Variants in LAMP1 observed in about 807,000 individuals in gnomAD.
LAMP1 encodes lysosome-associated membrane glycoprotein 1.
In LAMP1, 7 loss-of-function variants were observed where a neutral mutation model predicts 37.5. The observed-to-expected ratio is 0.19, with a 90% confidence interval of 0.11 to 0.35. The LOEUF (loss-of-function observed/expected upper bound fraction) is 0.35. Among genes scored for constraint, LAMP1 ranks in the 10% least tolerant of loss-of-function variants. The pLI, the probability that LAMP1 is intolerant of heterozygous loss-of-function variation, is 1.00. For missense variants in LAMP1, 537 were observed against 552.8 expected, an observed-to-expected ratio of 0.97 and a Z score of 0.29; for synonymous variants, 236 against 229.1, an observed-to-expected ratio of 1.03 and a Z score of -0.27.
At chr13:113,312,673 C>T (rs772294810) in intron 4 of LAMP1, among the ~76,000 whole-genome samples, 3 of 152,220 alleles carry the variant, frequency 2.0e-5, no homozygotes, top group Non-Finnish European at 2.9e-5. Context: ...TGGTGACAGC[C>T]GCTTTCCTGG....
intron 1 of LAMP1, among the ~76,000 whole-genome samples, chr13:113,303,139 G>A (rs57722743): frequency 0.074 from 11,314 of 152,190 alleles, 1,331 homozygotes; most frequent in African/African-American, 0.25. Context: ...CAGCCCTGAG[G>A]CCTTGGCACT....
At chr13:113,317,627 G>A (rs1257244234) in intron 4 of LAMP1, among the ~76,000 whole-genome samples, 2 of 151,702 alleles carry the variant, frequency 1.3e-5, no homozygotes, top group East Asian at 1.9e-4. Context: ...AGACTGGCCG[G>A]TTTTGCACAT....
At chr13:113,306,248 T>G in intron 1 of LAMP1, 1 of 311,576 alleles carries the variant, frequency 3.2e-6, no homozygotes, top group Non-Finnish European at 6.0e-6. Context: ...TTCCAGCTAC[T>G]TGGGAGGCTG....
chr13:113,298,892 C>T lies in LAMP1; in HGVS notation c.61+1397C>T, dbSNP rs59001251. 6.0e-3 allele frequency among the ~76,000 whole-genome samples: 916 copies of T among 152,352 alleles called. 10 individuals are homozygous for T. Among genetic ancestry groups the T allele is most frequent in the African/African-American group, 0.021 (884 of 41,586 alleles). ...GAGCAGTGGCTCACGCCTTTAATCC[C>T]AACACTTTGGGTGGCCGAGGCAGAT... On this transcript the variant is annotated intron_variant, in intron 1 of 8. Transcript: ENST00000332556.
rs991236578 is a variant in LAMP1 at position 113,320,043 on chromosome 13, G to A, written c.751-302G>A. On this transcript the variant is annotated intron_variant, in intron 5 of 8. Transcript: ENST00000332556. The surrounding 1 kb of genome is among the most constrained non-coding windows in gnomAD (Gnocchi z 4.4). ...TCTCCCCTAGTAGTGACAGGCTGTGGGGTTGTGGGGGTCGACTTGCGTGCC... is the reference window on the plus strand; with the variant it reads ...TCTCCCCTAGTAGTGACAGGCTGTGAGGTTGTGGGGGTCGACTTGCGTGCC... Among the ~76,000 whole-genome samples, 5 of 152,228 alleles carry A rather than the reference G, an allele frequency of 3.3e-5. No homozygotes were observed. The highest frequency in any genetic ancestry group is 7.3e-5 in the Non-Finnish European group (5 of 68,040).
intron 1 of LAMP1, among the ~76,000 whole-genome samples, chr13:113,300,313 T>C (rs1176101690): frequency 4.6e-5 from 7 of 152,026 alleles, no homozygotes; most frequent in African/African-American, 1.7e-4. Flanking sequence ...AAACCCCGTC[T>C]CTACTAAGAA....
intron 1 of LAMP1, among the ~76,000 whole-genome samples, chr13:113,304,379 C>T (rs893139050): frequency 2.6e-5 from 4 of 152,164 alleles, no homozygotes; most frequent in African/African-American, 7.2e-5. Context: ...TCTGCCTGTC[C>T]GCTGCTTCTG....
At chr13:113,310,153 C>G (rs2042622271) in intron 3 of LAMP1, among the ~76,000 whole-genome samples, 1 of 151,956 alleles carries the variant, frequency 6.6e-6, no homozygotes, top group Non-Finnish European at 1.5e-5. Flanking sequence ...CGCTTGAACC[C>G]AGGAGGCAGA....
chr13:113,300,991 T>C (rs1254659698), intron 1 of LAMP1, among the ~76,000 whole-genome samples: 1 of 152,140 alleles, frequency 6.6e-6, no homozygotes. Flanking sequence ...ACGTTACCCT[T>C]TCTTCTCTGT....
chr13:113,307,980 A>AAT (rs2042609077), intron 2 of LAMP1, among the ~76,000 whole-genome samples: 1 of 150,998 alleles, frequency 6.6e-6, no homozygotes, highest in Non-Finnish European at 1.5e-5. Context: ...AAAAAAAAAA[A>AAT]ATCCAGTCTC....
intron 4 of LAMP1, 139 bp from the exon 5 acceptor site, chr13:113,319,330 C>T: frequency 1.3e-6 from 1 of 762,722 alleles, no homozygotes; most frequent in Non-Finnish European, 2.1e-6. Context: ...TAGCGAGAGC[C>T]ACCTTGGGAG....
chr13:113,300,833 T>A (rs1005175199), intron 1 of LAMP1, among the ~76,000 whole-genome samples: 9 of 151,838 alleles, frequency 5.9e-5, no homozygotes, highest in African/African-American at 1.9e-4. Context: ...AAGAAAAAAA[T>A]TTTTTTTCTA....
At chr13:113,306,744 C>G (rs1181326484) in intron 2 of LAMP1, 138 bp downstream of exon 2, 1 of 909,658 alleles carries the variant, frequency 1.1e-6, no homozygotes, top group African/African-American at 1.7e-5. Flanking sequence ...CTGGTGTTGT[C>G]AGTAACCTGC....
rs745443481 is a variant in LAMP1 at position 113,319,574 on chromosome 13, A to G, written c.668A>G (p.Asn223Ser). ...VPKSPSVDKY[N>S]VSGTNGTCLL... is the part of the protein sequence containing the mutation. The stretch of plus-strand genomic sequence containing the variant: ...AAGAGCCCCTCTGTGGACAAGTACA[A>G]CGTGAGCGGCACCAACGGGACCTGC... Residue 223 changes from asparagine to serine, a missense_variant, in exon 5 of 9, where the codon AAC becomes AGC. Coordinates refer to ENST00000332556, the MANE Select transcript of LAMP1 (RefSeq NM_005561.4). The G allele has an allele frequency of 2.9e-5, 46 of 1,613,876 alleles. No homozygotes were observed. Among genetic ancestry groups the G allele is most frequent in the Non-Finnish European group, 3.3e-5 (39 of 1,180,028 alleles).
At chr13:113,301,894 G>A (rs1279085868) in intron 1 of LAMP1, among the ~76,000 whole-genome samples, 6 of 118,682 alleles carry the variant, frequency 5.1e-5, no homozygotes, top group Non-Finnish European at 9.5e-5. Context: ...ACGGAGTCTC[G>A]CTCTGTCGCC....
At position 113,297,547 on chromosome 13, in the gene LAMP1, G is replaced by A. The variant is rs2042549267; in HGVS notation, c.61+52G>A. ...AGCGGCGGGACCGGGCGGAGCCGAG[G>A]TCCCTGGGTCTTGAGGGCGGGGGAC... On this transcript the variant is annotated intron_variant, in intron 1 of 8. Transcript: ENST00000332556. The surrounding 1 kb of genome is among the most constrained non-coding windows in gnomAD (Gnocchi z 4.4). 5.8e-6 allele frequency: 7 copies of A among 1,216,446 alleles called. No homozygotes were observed. In the South Asian group the frequency reaches 2.4e-4, roughly 41 times the overall value. The allele number at this position is 1,216,446 out of a possible 1,614,324, so 75.4% of individuals were successfully genotyped here.
intron 1 of LAMP1, chr13:113,305,734 G>A (rs1185894200): frequency 1.3e-5 from 2 of 152,198 alleles, no homozygotes; most frequent in Non-Finnish European, 2.9e-5. Flanking sequence ...AAACTGACCA[G>A]ACGTTAAGTA....
intron 1 of LAMP1, among the ~76,000 whole-genome samples, chr13:113,299,022 C>A (rs1234923130): frequency 6.6e-6 from 1 of 152,176 alleles, no homozygotes; most frequent in Non-Finnish European, 1.5e-5. Context: ...CGCCTGTAAT[C>A]CCAGCTACTT....
At chr13:113,311,000 T>C in intron 4 of LAMP1, 133 bp downstream of exon 4, 1 of 673,806 alleles carries the variant, frequency 1.5e-6, no homozygotes, top group East Asian at 2.7e-5. Flanking sequence ...GCCGGCGACG[T>C]CTCTGCAGAA....
Sources: allele counts gnomAD v4.1 joint callset (sites outside exome capture counted in the v4.1 genomes callset), GRCh38; gene constraint gnomAD v4.1.1; non-coding constraint Gnocchi (gnomAD v3.1); transcripts MANE v1.5; gene names NCBI Gene and HGNC (gene_info 2026-07-23, HGNC 2026-07-21).